AKNA: variants seen among roughly 807,000 people sequenced by gnomAD.
AKNA encodes AT-hook transcription factor.
In AKNA, 67 loss-of-function variants were observed where a neutral mutation model predicts 138.8. That is an observed-to-expected ratio of 0.48 (90% CI 0.40 to 0.59). AKNA has a LOEUF of 0.59. AKNA is among the 20% of genes least tolerant of loss of function. The probability of loss-of-function intolerance (pLI) is 0.00; values close to 1 mark genes in which losing one functional copy is unlikely to be tolerated. For missense variants in AKNA, 1,813 were observed against 1,880.4 expected (o/e 0.96, Z 0.66); for synonymous variants, 737 against 754.4 (o/e 0.98, Z 0.38).
chr9:114,383,439 AG>A (rs1333353246), intron 1 of AKNA, among the ~76,000 whole-genome samples: 1 of 152,168 alleles, frequency 6.6e-6, no homozygotes, highest in African/African-American at 2.4e-5. Context: ...CCTGCCATGG[AG>A]GGTTCAGAGA....
chr9:114,349,693 C>G (rs757152257), intron 15 of AKNA, among the ~76,000 whole-genome samples: 4 of 152,212 alleles, frequency 2.6e-5, no homozygotes, highest in Non-Finnish European at 5.9e-5. Context: ...CTCCCCTTAC[C>G]CATGGCCTTC....
intron 1 of AKNA, among the ~76,000 whole-genome samples, chr9:114,383,426 C>G (rs1939751395): frequency 6.6e-6 from 1 of 152,214 alleles, no homozygotes; most frequent in Non-Finnish European, 1.5e-5. Context: ...CCCCAGGGAG[C>G]TCCCTGCCAT....
At chr9:114,371,446 C>T (rs1163408551) in intron 4 of AKNA, among the ~76,000 whole-genome samples, 1 of 152,268 alleles carries the variant, frequency 6.6e-6, no homozygotes, top group African/African-American at 2.4e-5. Context: ...ATCAATCCAC[C>T]TCATCCCTAT....
intron 14 of AKNA, among the ~76,000 whole-genome samples, chr9:114,351,687 T>C (rs902517342): frequency 6.6e-6 from 1 of 150,896 alleles, no homozygotes; most frequent in East Asian, 1.9e-4. Context: ...AAAAATTAGC[T>C]GGATGTGGAA....
chr9:114,359,821 G>A, intron 10 of AKNA, 27 bp from the exon 11 acceptor site: 1 of 1,609,366 alleles, frequency 6.2e-7, no homozygotes. Flanking sequence ...AGAGGGGCAT[G>A]ACCTCTGCCC....
intron 7 of AKNA, among the ~76,000 whole-genome samples, chr9:114,363,726 A>G (rs567460878): frequency 6.6e-6 from 1 of 152,250 alleles, no homozygotes; most frequent in African/African-American, 2.4e-5. Flanking sequence ...GGAGGGACCT[A>G]TGAGAGATCA....
chr9:114,339,828 G>A (rs1266115236), intron 21 of AKNA, among the ~76,000 whole-genome samples: 1 of 152,184 alleles, frequency 6.6e-6, no homozygotes, highest in African/African-American at 2.4e-5. Context: ...CGGGCGCGGT[G>A]GCTACACCTT....
At position 114,350,809 on chromosome 9, in the gene AKNA, C is replaced by G. The variant is rs563485468; in HGVS notation, c.3221+50G>C. Reference sequence around the variant, plus strand: ...ACCTGCTAACACGTCGCATCACGCTCCCGTCTGTATGATGAGCTTGAATCC... The same window carrying G: ...ACCTGCTAACACGTCGCATCACGCTGCCGTCTGTATGATGAGCTTGAATCC... On this transcript the variant is annotated intron_variant, in intron 15 of 21. Coordinates refer to ENST00000374088, the MANE Select transcript of AKNA (RefSeq NM_001317950.2). 2.3e-5 allele frequency: 34 copies of G among 1,503,494 alleles called. No individual in the cohort carries two copies. The African/African-American group carries it at 3.7e-4, about 16-fold the overall frequency. 93.1% of individuals were successfully genotyped at this position (1,503,494 alleles called of 1,614,324 possible).
At position 114,381,335 on chromosome 9, in the gene AKNA, G is replaced by A. The variant is rs1318352940; in HGVS notation, c.-2C>T. ...GATCTCAGTCTCCGAGCTGGCCATT[G>A]GGGCTGGCCTGGGCTTCACCTGGGC... On this transcript the variant is annotated 5_prime_UTR_variant, in exon 2 of 22. Coordinates refer to ENST00000374088, the MANE Select transcript of AKNA (RefSeq NM_001317950.2). 1 of 1,578,508 alleles carries A rather than the reference G, an allele frequency of 6.3e-7. No individual in the cohort carries two copies. The highest frequency in any genetic ancestry group is 8.6e-7 in the Non-Finnish European group (1 of 1,161,708).
At chr9:114,388,390 C>T (rs373013158), upstream of AKNA, among the ~76,000 whole-genome samples, 10 of 152,328 alleles carry the variant, frequency 6.6e-5, no homozygotes, top group East Asian at 9.7e-4. Flanking sequence ...CACTAGGCCT[C>T]AGGGCCCATG....
chr9:114,381,048 T>TGTCA lies in AKNA; in HGVS notation c.274+8_274+11dup. 1 of 1,501,230 alleles carries TGTCA rather than the reference T, an allele frequency of 6.7e-7. No homozygotes were observed. Among genetic ancestry groups the TGTCA allele is most frequent in the South Asian group, 1.3e-5 (1 of 75,340 alleles). 93.0% of individuals were successfully genotyped at this position (1,501,230 alleles called of 1,614,324 possible). A position where few individuals can be genotyped will look rare whatever the true frequency, so the allele number is the denominator to read the frequency against. On this transcript the variant is annotated intron_variant, in intron 2 of 21. Coordinates refer to ENST00000374088, the MANE Select transcript of AKNA (RefSeq NM_001317950.2). ...CAGGACACCACTGTAGGGGGAGGGG[T>TGTCA]GTCAGTCTCACCTTCTCCCGAAGTC...
In AKNA at chr9:114,356,928, C is replaced by T. The variant is rs1008734113; in HGVS notation, c.2781G>A (p.Val927=). Residue 927 remains valine (V), a synonymous_variant, in exon 13 of 22, where the codon GTG becomes GTA. Transcript: ENST00000374088. ...GTGAAACTCTGCTTGTTTCTGAGCC[C>T]ACAAAGCCACTGTCTGTCTCTGGGG... The part of the protein sequence containing the change: ...MASPETDSGF[V]GSETSRVSPL... 4 of 1,573,248 alleles carry T rather than the reference C, an allele frequency of 2.5e-6. No individual in the cohort carries two copies. The highest frequency in any genetic ancestry group is 2.6e-6 in the Non-Finnish European group (3 of 1,163,592).
At position 114,337,426 on chromosome 9, in the gene AKNA, T is replaced by C. The variant is rs549208966; in HGVS notation, c.4068-120A>G. 145 of 1,055,696 alleles carry C rather than the reference T, an allele frequency of 1.4e-4. 3 individuals are homozygous for C. In the South Asian group the frequency reaches 4.4e-3, roughly 32 times the overall value. The allele number at this position is 1,055,696 out of a possible 1,614,324, so 65.4% of individuals were successfully genotyped here. A position where few individuals can be genotyped will look rare whatever the true frequency, so the allele number is the denominator to read the frequency against. ...AGCTGGGCCAGTGGCTCCTACTCTC[T>C]GGGTCTCAGTTTCTTTACCTCTAAA... On this transcript the variant is annotated intron_variant, in intron 21 of 21. Transcript: ENST00000374088.
chr9:114,359,836 G>A, intron 10 of AKNA, 42 bp from the exon 11 acceptor site: 3 of 1,612,636 alleles, frequency 1.9e-6, no homozygotes, highest in Non-Finnish European at 2.5e-6. Flanking sequence ...CTGCCCAGTG[G>A]GGGACAGCCA....
In AKNA at chr9:114,336,883, C is replaced by T. The variant is rs191290564; in HGVS notation, c.*171G>A. 5 of 781,866 alleles carry T rather than the reference C, an allele frequency of 6.4e-6. No individual in the cohort carries two copies. Among genetic ancestry groups the T allele is most frequent in the Non-Finnish European group, 8.9e-6 (5 of 558,920 alleles). The allele number at this position is 781,866 out of a possible 1,614,324, so 48.4% of individuals were successfully genotyped here. On this transcript the variant is annotated 3_prime_UTR_variant, in exon 22 of 22. Coordinates refer to ENST00000374088, the MANE Select transcript of AKNA (RefSeq NM_001317950.2). ...TTCTCTTGGTGACCGAGCTGACACC[C>T]CCTCCACTTGGAAAGCACAGGGACT...
chr9:114,361,253 A>G (rs181177877), intron 9 of AKNA, among the ~76,000 whole-genome samples: 1 of 152,306 alleles, frequency 6.6e-6, no homozygotes, highest in Admixed American at 6.5e-5. Context: ...CCTTTGCACA[A>G]GCTGTTTTCC....
At chr9:114,348,265 C>T (rs930079426) in intron 15 of AKNA, among the ~76,000 whole-genome samples, 4 of 152,216 alleles carry the variant, frequency 2.6e-5, no homozygotes, top group African/African-American at 9.7e-5. Flanking sequence ...CCAACCTTCA[C>T]TCTCTGTCCA....
At position 114,337,441 on chromosome 9, in the gene AKNA, T is replaced by G. The variant is rs185000625; in HGVS notation, c.4068-135A>C. 3.6e-3 allele frequency: 3,262 copies of G among 914,564 alleles called. 7 individuals are homozygous for G. The highest frequency in any genetic ancestry group is 4.2e-3 in the Non-Finnish European group (2,909 of 685,792). The allele number at this position is 914,564 out of a possible 1,614,324, so 56.7% of individuals were successfully genotyped here. ...TCCTACTCTCTGGGTCTCAGTTTCT[T>G]TACCTCTAAAATGGGAATAATGGGC... On this transcript the variant is annotated intron_variant, in intron 21 of 21. Transcript: ENST00000374088.
chr9:114,394,922 G>A (rs1290609685), upstream of AKNA, among the ~76,000 whole-genome samples: 1 of 152,214 alleles, frequency 6.6e-6, no homozygotes, highest in Non-Finnish European at 1.5e-5. Context: ...CTGATCCCAG[G>A]CTCCTTCCCC....
Sources: gnomAD v4.1 joint callset for allele counts (sites outside exome capture counted in the v4.1 genomes callset) on GRCh38, gnomAD v4.1.1 for gene constraint, MANE v1.5 for transcripts, NCBI Gene and HGNC (gene_info 2026-07-23, HGNC 2026-07-21) for gene names.